PDZD2: variants seen among roughly 807,000 people sequenced by gnomAD.
PDZD2 encodes PDZ domain-containing protein 2.
In PDZD2, 90 loss-of-function variants were observed where a neutral mutation model predicts 220.7. The ratio of observed to expected loss-of-function variants is 0.41; its 90% CI spans 0.34 to 0.49. The LOEUF (loss-of-function observed/expected upper bound fraction) is 0.49. Ranked by LOEUF, PDZD2 falls within the 20% of genes least tolerant of loss-of-function variation. The pLI, the probability that PDZD2 is intolerant of heterozygous loss-of-function variation, is 0.28. For synonymous variants in PDZD2, 1,375 were observed against 1,450.5 expected (o/e 0.95, Z 1.18); for missense variants, 3,174 against 3,608.5 (o/e 0.88, Z 3.08).
intron 10 of PDZD2, among the ~76,000 whole-genome samples, chr5:32,056,014 A>G (rs1739051237): frequency 6.6e-6 from 1 of 152,234 alleles, no homozygotes; most frequent in Non-Finnish European, 1.5e-5. Flanking sequence ...GCGTTTTTTC[A>G]TATGTGTTCA....
At chr5:31,810,408 G>A (rs968328463) in intron 2 of PDZD2, among the ~76,000 whole-genome samples, 2 of 148,328 alleles carry the variant, frequency 1.3e-5, no homozygotes, top group Non-Finnish European at 3.0e-5. Context: ...GACTACAGGT[G>A]CCCACCACCA....
intron 2 of PDZD2, among the ~76,000 whole-genome samples, chr5:31,976,907 G>A (rs144924085): frequency 0.014 from 2,080 of 151,462 alleles, 27 homozygotes; most frequent in Middle Eastern, 0.027. Flanking sequence ...TAGTAGAGAC[G>A]GGGTTTCAGC....
intron 2 of PDZD2, among the ~76,000 whole-genome samples, chr5:31,810,454 A>AT (rs1755036463): frequency 6.6e-6 from 1 of 152,066 alleles, no homozygotes; most frequent in Non-Finnish European, 1.5e-5. Context: ...TTTAGTAGAG[A>AT]CGGGGTTTCA....
chr5:31,741,510 G>A (rs1302114806), intron 1 of PDZD2, among the ~76,000 whole-genome samples: 3 of 152,110 alleles, frequency 2.0e-5, no homozygotes, highest in Non-Finnish European at 4.4e-5. Context: ...CAAGGGACTG[G>A]ACTCTAGTAA....
intron 6 of PDZD2, among the ~76,000 whole-genome samples, chr5:32,029,628 T>C (rs573323499): frequency 6.6e-6 from 1 of 152,166 alleles, no homozygotes; most frequent in Non-Finnish European, 1.5e-5. Flanking sequence ...ACCTCAGTCT[T>C]TTATGATGGG....
At chr5:31,892,279 T>C (rs1741117107) in intron 2 of PDZD2, among the ~76,000 whole-genome samples, 1 of 152,194 alleles carries the variant, frequency 6.6e-6, no homozygotes, top group Non-Finnish European at 1.5e-5. Flanking sequence ...CTCCCTAATG[T>C]ACCTATTGCT....
chr5:31,705,209 CAT>C (rs1238580566), intron 1 of PDZD2, among the ~76,000 whole-genome samples: 628 of 15,122 alleles, frequency 0.042, 3 homozygotes, highest in African/African-American at 0.25. Context: ...CACACACACA[CAT>C]ACACACTCAC....
chr5:31,685,549 G>T (rs752678582), intron 1 of PDZD2, among the ~76,000 whole-genome samples: 3 of 151,968 alleles, frequency 2.0e-5, no homozygotes, highest in Non-Finnish European at 4.4e-5. Flanking sequence ...TTTGAGACAG[G>T]GTCTTACTCT....
At chr5:32,077,879 C>T (rs1741460758) in intron 19 of PDZD2, 2 of 366,508 alleles carry the variant, frequency 5.5e-6, no homozygotes, top group African/African-American at 4.4e-5. Flanking sequence ...ATCGCTTGAA[C>T]TGGGTAGGCG....
chr5:32,039,005 G>C (rs1039809464), intron 7 of PDZD2, among the ~76,000 whole-genome samples: 6 of 152,168 alleles, frequency 3.9e-5, no homozygotes, highest in African/African-American at 1.4e-4. Context: ...GATTGGTGGA[G>C]AGGGCATGCC....
intron 2 of PDZD2, among the ~76,000 whole-genome samples, chr5:31,916,505 C>G (rs762072893): frequency 1.3e-5 from 2 of 152,216 alleles, no homozygotes; most frequent in Non-Finnish European, 2.9e-5. Flanking sequence ...CTGTCCCAGC[C>G]CAGCAAGTGA....
chr5:32,066,424 A>C (rs1740221088), intron 14 of PDZD2, among the ~76,000 whole-genome samples: 1 of 151,552 alleles, frequency 6.6e-6, no homozygotes, highest in East Asian at 1.9e-4. Flanking sequence ...CCTCCTTGTC[A>C]CCTCCCATTT....
intron 2 of PDZD2, among the ~76,000 whole-genome samples, chr5:31,924,214 C>T (rs774886136): frequency 3.3e-5 from 5 of 152,328 alleles, no homozygotes; most frequent in Middle Eastern, 3.4e-3. Context: ...GCATAGGCAG[C>T]AGTCTGAACC....
In PDZD2 at chr5:31,706,241, A is replaced by C. The variant is rs997329892; in HGVS notation, c.-361+66804A>C. ...GGTCCTGTGTACATTGCTAGTGGCC[A>C]GATGTAGTTTTGACTCTGAGCTTCC... On this transcript the variant is annotated intron_variant, in intron 1 of 24. Transcript: ENST00000438447. Among the ~76,000 whole-genome samples, 32 of 152,286 alleles carry C rather than the reference A, an allele frequency of 2.1e-4. No homozygotes were observed. In the East Asian group the frequency reaches 6.2e-3, roughly 29 times the overall value.
intron 2 of PDZD2, among the ~76,000 whole-genome samples, chr5:31,890,548 C>T (rs1335247371): frequency 1.3e-5 from 2 of 152,132 alleles, no homozygotes; most frequent in Non-Finnish European, 1.5e-5. Context: ...AGAGCCAGGG[C>T]CCCTTCTTCC....
rs185610654 is a variant in PDZD2, at chr5:31,880,116, G to T, written c.476+80392G>T. 1.8e-3 allele frequency among the ~76,000 whole-genome samples: 271 copies of T among 151,856 alleles called. 2 individuals are homozygous for T. Among genetic ancestry groups the T allele is most frequent in the Admixed American group, 4.9e-3 (74 of 15,248 alleles). On this transcript the variant is annotated intron_variant, in intron 2 of 24. Transcript: ENST00000438447. Reference sequence around the variant, plus strand: ...TGTATTTTTTTTTAGTAGAGATGGGGTTTCACCATGTTGGCCAAGCTGGCC... The same window carrying T: ...TGTATTTTTTTTTAGTAGAGATGGGTTTTCACCATGTTGGCCAAGCTGGCC...
chr5:31,913,787 G>C (rs747337398), intron 2 of PDZD2, among the ~76,000 whole-genome samples: 1 of 152,208 alleles, frequency 6.6e-6, no homozygotes, highest in African/African-American at 2.4e-5. Context: ...ATTAGAAGTA[G>C]AGTCGTGAAG....
chr5:31,850,200 A>G (rs1282073410), intron 2 of PDZD2, among the ~76,000 whole-genome samples: 1 of 128,834 alleles, frequency 7.8e-6, no homozygotes, highest in East Asian at 2.1e-4. Context: ...ATATGTATAT[A>G]TAAGTATATA....
intron 10 of PDZD2, among the ~76,000 whole-genome samples, chr5:32,054,624 C>T (rs528474490): frequency 2.0e-5 from 3 of 152,042 alleles, no homozygotes; most frequent in South Asian, 4.2e-4. Context: ...TGTGTCTGGC[C>T]CTAAATGAAC....
Sources: gnomAD v4.1 joint callset for allele counts (sites outside exome capture counted in the v4.1 genomes callset) on GRCh38, gnomAD v4.1.1 for gene constraint, MANE v1.5 for transcripts, NCBI Gene and HGNC (gene_info 2026-07-23, HGNC 2026-07-21) for gene names.